WWOX: variants seen among roughly 807,000 people sequenced by gnomAD.
WWOX encodes WW domain containing oxidoreductase, also known as WW domain-containing oxidoreductase.
WWOX carries 69 observed loss-of-function variants against 46.2 expected under a neutral mutation model. The observed-to-expected ratio is 1.49, with a 90% CI of 1.23 to 1.82. The LOEUF is 1.82. Among genes scored for constraint, WWOX ranks in the 40% most tolerant of loss-of-function variants. WWOX has a pLI of 0.00. For synonymous variants in WWOX, 359 were observed against 202.6 expected (o/e 1.77, Z -6.56); for missense variants, 919 against 542.6 (o/e 1.69, Z -6.89).
intron 8 of WWOX, among the ~76,000 whole-genome samples, chr16:78,726,621 T>C (rs955363904): frequency 2.6e-5 from 4 of 152,136 alleles, no homozygotes; most frequent in South Asian, 2.1e-4. Context: ...CTAAACAATT[T>C]ATTTGAGCAA....
At chr16:78,767,276 G>A (rs1465053618) in intron 8 of WWOX, among the ~76,000 whole-genome samples, 1 of 151,840 alleles carries the variant, frequency 6.6e-6, no homozygotes, top group Non-Finnish European at 1.5e-5. Flanking sequence ...CACCATGCCT[G>A]GCTTTTTAAA....
intron 8 of WWOX, among the ~76,000 whole-genome samples, chr16:78,576,666 C>A (rs375288681): frequency 6.6e-6 from 1 of 152,130 alleles, no homozygotes; most frequent in Non-Finnish European, 1.5e-5. Flanking sequence ...GACCCTGTCT[C>A]TACTCACATA....
chr16:78,115,190 G>C, intron 4 of WWOX, 36 bp downstream of exon 4: 1 of 1,611,334 alleles, frequency 6.2e-7, no homozygotes, highest in Non-Finnish European at 8.5e-7. Flanking sequence ...CTTTGGGACT[G>C]CTATAATGAG....
At chr16:79,100,215 A>G (rs1362095646) in intron 8 of WWOX, among the ~76,000 whole-genome samples, 1 of 152,204 alleles carries the variant, frequency 6.6e-6, no homozygotes, top group African/African-American at 2.4e-5. Context: ...AAAATGGACC[A>G]TCCCAGGGTA....
At chr16:78,654,753 C>G (rs978887078) in intron 8 of WWOX, among the ~76,000 whole-genome samples, 3 of 151,798 alleles carry the variant, frequency 2.0e-5, no homozygotes, top group African/African-American at 4.8e-5. Flanking sequence ...CTTTCTTAAC[C>G]TACATCCTAA....
chr16:78,608,490 T>C (rs1268482295), intron 8 of WWOX, among the ~76,000 whole-genome samples: 1 of 152,176 alleles, frequency 6.6e-6, no homozygotes, highest in Non-Finnish European at 1.5e-5. Context: ...GTGTTTTCCC[T>C]TTCAGCAGGG....
At chr16:79,209,098 C>T (rs1013074616) in intron 8 of WWOX, among the ~76,000 whole-genome samples, 3 of 152,168 alleles carry the variant, frequency 2.0e-5, no homozygotes, top group African/African-American at 7.2e-5. Context: ...TAAATCACCC[C>T]AAGCCTAGTG....
intron 8 of WWOX, among the ~76,000 whole-genome samples, chr16:78,719,893 T>TA (rs1298847117): frequency 7.2e-5 from 11 of 152,166 alleles, no homozygotes; most frequent in Non-Finnish European, 1.3e-4. Flanking sequence ...TGCAAAATAT[T>TA]ATTTGTTTCC....
At chr16:79,160,007 A>G (rs1012644503) in intron 8 of WWOX, among the ~76,000 whole-genome samples, 1 of 152,174 alleles carries the variant, frequency 6.6e-6, no homozygotes, top group Non-Finnish European at 1.5e-5. Flanking sequence ...TTGACCCGTC[A>G]TTATTTCTGA....
At chr16:78,699,423 C>T (rs1205584359) in intron 8 of WWOX, among the ~76,000 whole-genome samples, 5 of 151,908 alleles carry the variant, frequency 3.3e-5, no homozygotes, top group Non-Finnish European at 7.4e-5. Context: ...ACTGTACTCC[C>T]AGCTACTTGG....
chr16:79,079,013 C>T (rs995639059), intron 8 of WWOX, among the ~76,000 whole-genome samples: 9 of 152,168 alleles, frequency 5.9e-5, no homozygotes, highest in Admixed American at 5.2e-4. Context: ...AAATATAATA[C>T]ATTTGACCTG....
chr16:78,989,860 G>C (rs1314826995), intron 8 of WWOX, among the ~76,000 whole-genome samples: 1 of 148,358 alleles, frequency 6.7e-6, no homozygotes, highest in Non-Finnish European at 1.5e-5. Flanking sequence ...GTGTGTGATT[G>C]AGAGAGAGAG....
intron 8 of WWOX, among the ~76,000 whole-genome samples, chr16:79,131,063 T>G (rs1455673782): frequency 1.3e-5 from 2 of 152,204 alleles, no homozygotes; most frequent in African/African-American, 4.8e-5. Flanking sequence ...GGCTTCTCTT[T>G]TTTTGTTTGA....
At chr16:79,211,224 G>GAATT (rs1334400612) in intron 8 of WWOX, among the ~76,000 whole-genome samples, 1 of 152,082 alleles carries the variant, frequency 6.6e-6, no homozygotes, top group Non-Finnish European at 1.5e-5. Context: ...ATTTGGTATC[G>GAATT]AATTACATTA....
intron 8 of WWOX, among the ~76,000 whole-genome samples, chr16:78,565,461 A>G (rs1186026365): frequency 6.6e-6 from 1 of 151,868 alleles, no homozygotes; most frequent in African/African-American, 2.4e-5. Flanking sequence ...ATATCATCAC[A>G]TCTCCTTTAC....
At chr16:79,182,833 T>C (rs1366076564) in intron 8 of WWOX, among the ~76,000 whole-genome samples, 5 of 152,178 alleles carry the variant, frequency 3.3e-5, no homozygotes, top group Admixed American at 1.3e-4. Flanking sequence ...TACAGAAATA[T>C]ATGTGGGTGG....
At chr16:79,175,224 A>G (rs552220778) in intron 8 of WWOX, among the ~76,000 whole-genome samples, 1 of 152,224 alleles carries the variant, frequency 6.6e-6, no homozygotes, top group Non-Finnish European at 1.5e-5. Context: ...AAGGCATTTG[A>G]AAATTGCTGA....
chr16:78,664,763 G>C (rs369846914), intron 8 of WWOX, among the ~76,000 whole-genome samples: 6 of 152,272 alleles, frequency 3.9e-5, no homozygotes, highest in African/African-American at 1.4e-4. Flanking sequence ...TTATTAAAGT[G>C]GGATTTTTCT....
At chr16:78,213,238 G>A (rs1405728852) in intron 5 of WWOX, among the ~76,000 whole-genome samples, 2 of 135,542 alleles carry the variant, frequency 1.5e-5, no homozygotes, top group Non-Finnish European at 1.5e-5. Context: ...GTGACAGAGC[G>A]AGACTGTATC....
Sources: gnomAD v4.1 joint callset for allele counts (sites outside exome capture counted in the v4.1 genomes callset) on GRCh38, gnomAD v4.1.1 for gene constraint, MANE v1.5 for transcripts, NCBI Gene and HGNC (gene_info 2026-07-23, HGNC 2026-07-21) for gene names.